The following C1orf21 variants were observed in gnomAD, a reference collection of about 807,000 sequenced individuals.
C1orf21 encodes chromosome 1 open reading frame 21.
A neutral mutation model predicts 18.7 loss-of-function variants in C1orf21; 3 were observed. That is an observed-to-expected ratio of 0.16 (90% CI 0.07 to 0.42). The LOEUF is 0.42. Among genes scored for constraint, C1orf21 ranks in the 10% least tolerant of loss-of-function variants. The pLI, the probability that C1orf21 is intolerant of heterozygous loss-of-function variation, is 0.99. For missense variants in C1orf21, 104 were observed against 143.6 expected (o/e 0.72, Z 1.41); for synonymous variants, 41 against 46.4 (o/e 0.88, Z 0.47).
intron 1 of C1orf21, among the ~76,000 whole-genome samples, chr1:184,455,728 G>A (rs142488036): frequency 6.6e-6 from 1 of 152,102 alleles, no homozygotes; most frequent in South Asian, 2.1e-4. Context: ...GGCACTACCA[G>A]GGCCTGAATA....
intron 1 of C1orf21, among the ~76,000 whole-genome samples, chr1:184,451,375 C>T (rs1432410270): frequency 1.3e-5 from 2 of 152,006 alleles, no homozygotes; most frequent in Non-Finnish European, 2.9e-5. Flanking sequence ...ACTGAAGCCC[C>T]GACCTCCTGG....
At chr1:184,594,683 A>G (rs1216250913) in intron 4 of C1orf21, among the ~76,000 whole-genome samples, 1 of 152,132 alleles carries the variant, frequency 6.6e-6, no homozygotes, top group African/African-American at 2.4e-5. Context: ...TCCTTCTTTC[A>G]GGAAGAAAAG....
At chr1:184,616,996 C>T (rs1247576373) in intron 5 of C1orf21, among the ~76,000 whole-genome samples, 1 of 152,304 alleles carries the variant, frequency 6.6e-6, no homozygotes, top group Non-Finnish European at 1.5e-5. Context: ...AGTCCTTACT[C>T]ACCTGACAGC....
chr1:184,541,841 G>A (rs1424466826), intron 3 of C1orf21, among the ~76,000 whole-genome samples: 2 of 152,188 alleles, frequency 1.3e-5, no homozygotes, highest in Non-Finnish European at 2.9e-5. Context: ...GGCGTGCAGA[G>A]TTGCTCAGCT....
intron 3 of C1orf21, among the ~76,000 whole-genome samples, chr1:184,546,212 A>G (rs180701690): frequency 1.2e-4 from 18 of 152,278 alleles, no homozygotes; most frequent in African/African-American, 4.1e-4. Flanking sequence ...AGGTGGGCAT[A>G]TCACTTGAGG....
intron 1 of C1orf21, among the ~76,000 whole-genome samples, chr1:184,442,294 G>A (rs1486634308): frequency 1.3e-5 from 2 of 152,186 alleles, no homozygotes; most frequent in Non-Finnish European, 2.9e-5. Context: ...CAGACTTAAA[G>A]ATCAGGCAGA....
chr1:184,395,646 G>T (rs1206348939), intron 1 of C1orf21, among the ~76,000 whole-genome samples: 1 of 152,044 alleles, frequency 6.6e-6, no homozygotes. Context: ...TGCTTTGGGA[G>T]TTGAGATAAG....
chr1:184,534,654 T>A (rs1051627317), intron 3 of C1orf21, among the ~76,000 whole-genome samples: 1 of 152,200 alleles, frequency 6.6e-6, no homozygotes, highest in African/African-American at 2.4e-5. Context: ...ATTGAACATC[T>A]GTGTGCCAAG....
intron 2 of C1orf21, among the ~76,000 whole-genome samples, chr1:184,491,586 A>T (rs938451337): frequency 6.6e-6 from 1 of 152,186 alleles, no homozygotes. Flanking sequence ...TCCTGAGCTC[A>T]AGCAATCTGC....
At chr1:184,602,254 A>G (rs974465981) in intron 5 of C1orf21, among the ~76,000 whole-genome samples, 3 of 152,292 alleles carry the variant, frequency 2.0e-5, no homozygotes, top group African/African-American at 7.2e-5. Context: ...GGGACTTGGT[A>G]CCATTTCACA....
chr1:184,493,427 C>G lies in C1orf21; in HGVS notation c.95-14161C>G, dbSNP rs182691698. Among the ~76,000 whole-genome samples, 17 of 152,316 alleles carry G rather than the reference C, an allele frequency of 1.1e-4. No homozygotes were observed. In the East Asian group the frequency reaches 3.3e-3, roughly 29 times the overall value. ...AAAATCATGATGTTAAATAGCACATCTTTGAAGCTAATTAATTCCTTCAAA... is the reference window on the plus strand; with the variant it reads ...AAAATCATGATGTTAAATAGCACATGTTTGAAGCTAATTAATTCCTTCAAA... On this transcript the variant is annotated intron_variant, in intron 2 of 5. Transcript: ENST00000235307.
chr1:184,489,401 G>A (rs1199958493), intron 2 of C1orf21, among the ~76,000 whole-genome samples: 1 of 152,032 alleles, frequency 6.6e-6, no homozygotes, highest in African/African-American at 2.4e-5. Flanking sequence ...AAAACCCAAA[G>A]CAAAACAAAA....
intron 2 of C1orf21, among the ~76,000 whole-genome samples, chr1:184,501,503 C>G (rs927867022): frequency 1.3e-5 from 2 of 152,188 alleles, no homozygotes; most frequent in Admixed American, 6.5e-5. Flanking sequence ...CCACCACCCC[C>G]ACATGTGCTT....
At chr1:184,518,537 A>G (rs74723714) in intron 3 of C1orf21, among the ~76,000 whole-genome samples, 2,335 of 152,282 alleles carry the variant, frequency 0.015, 24 homozygotes, top group Middle Eastern at 0.034. Context: ...ATATTAAAGT[A>G]TATCTCAACT....
At chr1:184,435,950 C>A (rs10797968) in intron 1 of C1orf21, among the ~76,000 whole-genome samples, 152,278 of 152,330 alleles carry the variant, frequency 1, 76,113 homozygotes, top group Middle Eastern at 1. Context: ...AGGTGGAGTA[C>A]CATGTGACAA....
rs1402902533 is a variant in C1orf21 at position 184,462,340 on chromosome 1, T to G, written c.-124-15046T>G. On this transcript the variant is annotated intron_variant, in intron 1 of 5. Coordinates refer to ENST00000235307, the MANE Select transcript of C1orf21 (RefSeq NM_030806.4). ...ACTTTGTGGCCTCTGGTTTCAAGTC[T>G]ACTTCCTATTTATATCCCATGACAC... Among the ~76,000 whole-genome samples the G allele has an allele frequency of 2.6e-5, 4 of 152,366 alleles. No homozygotes were observed. The East Asian group carries it at 7.7e-4, about 29-fold the overall frequency.
At chr1:184,535,356 A>G (rs958215515) in intron 3 of C1orf21, among the ~76,000 whole-genome samples, 12 of 152,224 alleles carry the variant, frequency 7.9e-5, no homozygotes, top group African/African-American at 2.7e-4. Flanking sequence ...AGTAGAGCCT[A>G]AAAGAAGTGC....
intron 3 of C1orf21, among the ~76,000 whole-genome samples, chr1:184,572,252 C>T (rs1270242781): frequency 1.3e-5 from 2 of 152,200 alleles, no homozygotes; most frequent in South Asian, 4.1e-4. Context: ...CATAAGACCT[C>T]ATGTAAGGAA....
At chr1:184,399,189 T>C (rs372061201) in intron 1 of C1orf21, among the ~76,000 whole-genome samples, 6 of 152,100 alleles carry the variant, frequency 3.9e-5, no homozygotes, top group Admixed American at 3.3e-4. Flanking sequence ...AAACAGGGAT[T>C]TGTCTATAGG....
Sources: allele counts gnomAD v4.1 joint callset (sites outside exome capture counted in the v4.1 genomes callset), GRCh38; gene constraint gnomAD v4.1.1; transcripts MANE v1.5; gene names NCBI Gene and HGNC (gene_info 2026-07-23, HGNC 2026-07-21).